Variants in PRH2 observed in about 807,000 individuals in gnomAD.
PRH2 encodes the protein salivary acidic proline-rich phosphoprotein 1/2.
PRH2 carries 19 observed loss-of-function variants against 22.6 expected under a neutral mutation model. That is an observed-to-expected ratio of 0.84 (90% CI 0.59 to 1.23). The LOEUF is 1.23. Ranked by LOEUF, PRH2 falls within the 50% of genes most tolerant of loss-of-function variation. The pLI, the probability that PRH2 is intolerant of heterozygous loss-of-function variation, is 0.00. For synonymous variants in PRH2, 45 were observed against 72.0 expected, an observed-to-expected ratio of 0.63 and a Z score of 1.90; for missense variants, 109 against 203.0, an observed-to-expected ratio of 0.54 and a Z score of 2.81.
chr12:10,930,358 T>C (rs1950186844), intron 2 of PRH2, 54 bp downstream of exon 2: 4 of 1,575,072 alleles, frequency 2.5e-6, no homozygotes, highest in Middle Eastern at 1.7e-4. Context: ...CCTGAAAAAT[T>C]GATCAGTTCT....
rs546061892 is a variant in PRH2, at chr12:10,933,599, G to GA, written c.*1401dup. ...GTTTTGGATAATGAAGTCAGCAGAG[G>GA]AAAAAAAAATATGACCATCTCAAAA... On this transcript the variant is annotated 3_prime_UTR_variant, in exon 4 of 4. Transcript: ENST00000396400. Among the ~76,000 whole-genome samples the GA allele has an allele frequency of 1.1e-4, 17 of 150,302 alleles. No individual in the cohort carries two copies. The East Asian group carries it at 1.2e-3, about 10-fold the overall frequency.
intron 2 of PRH2, among the ~76,000 whole-genome samples, 171 bp from the exon 3 acceptor site, chr12:10,930,491 C>G (rs1335746291): frequency 6.6e-6 from 1 of 152,096 alleles, no homozygotes; most frequent in African/African-American, 2.4e-5. Context: ...TTTCACCACC[C>G]TAATGTGGAT....
chr12:10,930,575 G>C (rs1950191145), intron 2 of PRH2, 87 bp from the exon 3 acceptor site: 1 of 1,574,532 alleles, frequency 6.4e-7, no homozygotes. Flanking sequence ...GGGAGAGAGG[G>C]GCCGGCCGTG....
rs1400791758 is a variant in PRH2, at chr12:10,933,860, C to A, written c.*1653C>A. The stretch of plus-strand genomic sequence containing the variant: ...ATAATTTTATTTAATATTAGATAAA[C>A]AAGCACATAACAGAGATACATATAT... On this transcript the variant is annotated 3_prime_UTR_variant, in exon 4 of 4. Coordinates refer to ENST00000396400, the MANE Select transcript of PRH2 (RefSeq NM_001110213.1). Among the ~76,000 whole-genome samples, 1 of 151,878 alleles carries A rather than the reference C, an allele frequency of 6.6e-6. No homozygotes were observed. The highest frequency in any genetic ancestry group is 6.6e-5 in the Admixed American group (1 of 15,240).
intron 1 of PRH2, 34 bp downstream of exon 1, chr12:10,929,371 G>A (rs1483380254): frequency 1.2e-6 from 2 of 1,613,496 alleles, no homozygotes; most frequent in Non-Finnish European, 1.7e-6. Context: ...TTGTGACTCT[G>A]ATTGGGGTTT....
At position 10,929,253 on chromosome 12, in the gene PRH2, G is replaced by A; in HGVS notation, c.-21G>A. The stretch of plus-strand genomic sequence containing the variant: ...TTTCTCCCAGCATAAAGTTGGGAGT[G>A]ACACCAGAGCCTTCTGCAAGATGCT... On this transcript the variant is annotated 5_prime_UTR_variant, in exon 1 of 4. Transcript: ENST00000396400. 1 of 1,614,198 alleles carries A rather than the reference G, an allele frequency of 6.2e-7. No individual in the cohort carries two copies. The highest frequency in any genetic ancestry group is 8.5e-7 in the Non-Finnish European group (1 of 1,180,036).
At chr12:10,931,264 G>A (rs1950208807) in intron 3 of PRH2, 184 bp downstream of exon 3, 1 of 1,295,482 alleles carries the variant, frequency 7.7e-7, no homozygotes, top group African/African-American at 1.5e-5. Flanking sequence ...TCTCTTGAAG[G>A]CAATTCCAAT....
At chr12:10,929,777 C>T (rs1272519946) in intron 1 of PRH2, among the ~76,000 whole-genome samples, 1 of 152,120 alleles carries the variant, frequency 6.6e-6, no homozygotes, top group Non-Finnish European at 1.5e-5. Context: ...AAACACTTGC[C>T]TCTGTCTACA....
rs1338405775 is a variant in PRH2, at chr12:10,930,876, A to G, written c.315A>G (p.Gln105=). 1 of 1,612,016 alleles carries G rather than the reference A, an allele frequency of 6.2e-7. No individual in the cohort carries two copies. Among genetic ancestry groups the G allele is most frequent in the Non-Finnish European group, 8.5e-7 (1 of 1,179,096 alleles). Residue 105 remains glutamine, a synonymous_variant, in exon 3 of 4, where the codon CAA becomes CAG. Transcript: ENST00000396400. ...PQQGGHPPPP[Q]GRPQGPPQQG... ...AGGGAGGCCATCCCCCTCCTCCTCA[A>G]GGAAGGCCACAAGGACCACCCCAAC...
rs1471152576 is a variant in PRH2, at chr12:10,930,422, G to T, written c.100+118G>T. On this transcript the variant is annotated intron_variant, in intron 2 of 3. Coordinates refer to ENST00000396400, the MANE Select transcript of PRH2 (RefSeq NM_001110213.1). ...AATTGGCTAATATCAGTGCCCCAGA[G>T]ATATAAACAGTTTTCTCCCAACCTT... The T allele has an allele frequency of 4.1e-6, 6 of 1,477,978 alleles. No homozygotes were observed. In the Admixed American group the frequency reaches 1.2e-4, roughly 29 times the overall value. 91.6% of individuals were successfully genotyped at this position (1,477,978 alleles called of 1,614,324 possible). A position where few individuals can be genotyped will look rare whatever the true frequency, so the allele number is the denominator to read the frequency against.
chr12:10,934,752 T>C lies in PRH2; in HGVS notation c.*2545T>C, dbSNP rs1387413522. On this transcript the variant is annotated 3_prime_UTR_variant, in exon 4 of 4. Coordinates refer to ENST00000396400, the MANE Select transcript of PRH2 (RefSeq NM_001110213.1). ...TCTGCATTCTGATCCAGATACTGTATGTTCTTAACATAAAGTGAAATTTCT... is the reference window on the plus strand; with the variant it reads ...TCTGCATTCTGATCCAGATACTGTACGTTCTTAACATAAAGTGAAATTTCT... Among the ~76,000 whole-genome samples the C allele has an allele frequency of 6.6e-6, 1 of 152,156 alleles. No individual in the cohort carries two copies. Among genetic ancestry groups the C allele is most frequent in the African/African-American group, 2.4e-5 (1 of 41,448 alleles).
rs1950231890 is a variant in PRH2 at position 10,932,727 on chromosome 12, G to T, written c.*520G>T. On this transcript the variant is annotated 3_prime_UTR_variant, in exon 4 of 4. Coordinates refer to ENST00000396400, the MANE Select transcript of PRH2 (RefSeq NM_001110213.1). ...ACCTATTTTCCCCTATTTTATCACTGATCAGTTCTGTCCCTGCCTATGATT... is the reference window on the plus strand; with the variant it reads ...ACCTATTTTCCCCTATTTTATCACTTATCAGTTCTGTCCCTGCCTATGATT... 6.6e-6 allele frequency among the ~76,000 whole-genome samples: 1 copy of T among 152,010 alleles called. No individual in the cohort carries two copies. The highest frequency in any genetic ancestry group is 1.9e-4 in the East Asian group (1 of 5,200).
rs1453943209 is a variant in PRH2 at position 10,934,635 on chromosome 12, A to G, written c.*2428A>G. Among the ~76,000 whole-genome samples, 1 of 152,024 alleles carries G rather than the reference A, an allele frequency of 6.6e-6. No homozygotes were observed. The highest frequency in any genetic ancestry group is 1.5e-5 in the Non-Finnish European group (1 of 67,986). On this transcript the variant is annotated 3_prime_UTR_variant, in exon 4 of 4. Transcript: ENST00000396400. ...TTTCTTCCTTTAAAAAAAAAACTATAGGCTCAATATGAAAGTAGAAAGCAC... is the reference window on the plus strand; with the variant it reads ...TTTCTTCCTTTAAAAAAAAAACTATGGGCTCAATATGAAAGTAGAAAGCAC...
intron 3 of PRH2, among the ~76,000 whole-genome samples, chr12:10,931,442 C>G (rs774525642): frequency 2.4e-4 from 36 of 152,296 alleles, no homozygotes; most frequent in Non-Finnish European, 4.3e-4. Context: ...TCAGTCCTGC[C>G]TCACACTAGC....
intron 1 of PRH2, 55 bp from the exon 2 acceptor site, chr12:10,930,214 A>T: frequency 6.4e-7 from 1 of 1,574,742 alleles, no homozygotes; most frequent in Non-Finnish European, 8.7e-7. Context: ...GAACACTATG[A>T]GCTCTGAATG....
chr12:10,929,514 T>C (rs1950172050), intron 1 of PRH2, among the ~76,000 whole-genome samples, 177 bp downstream of exon 1: 1 of 152,132 alleles, frequency 6.6e-6, no homozygotes, highest in African/African-American at 2.4e-5. Context: ...CCTCATAATT[T>C]ATTGATTGCA....
rs942276011 is a variant in PRH2 at position 10,933,848 on chromosome 12, A to G, written c.*1641A>G. 2.6e-5 allele frequency among the ~76,000 whole-genome samples: 4 copies of G among 152,122 alleles called. No individual in the cohort carries two copies. The highest frequency in any genetic ancestry group is 5.9e-5 in the Non-Finnish European group (4 of 67,956). Reference sequence around the variant, plus strand: ...ATTAGAAAGTGAATAATTTTATTTAATATTAGATAAACAAGCACATAACAG... The same window carrying G: ...ATTAGAAAGTGAATAATTTTATTTAGTATTAGATAAACAAGCACATAACAG... On this transcript the variant is annotated 3_prime_UTR_variant, in exon 4 of 4. Coordinates refer to ENST00000396400, the MANE Select transcript of PRH2 (RefSeq NM_001110213.1).
intron 3 of PRH2, among the ~76,000 whole-genome samples, chr12:10,931,371 C>G (rs1397413667): frequency 2.6e-5 from 4 of 152,174 alleles, no homozygotes; most frequent in East Asian, 3.9e-4. Context: ...TTCCTTTCCT[C>G]AAACTCAAAG....
In PRH2 at chr12:10,933,040, C is replaced by T. The variant is rs74627295; in HGVS notation, c.*833C>T. On this transcript the variant is annotated 3_prime_UTR_variant, in exon 4 of 4. Transcript: ENST00000396400. ...AAATGATTCATAAATTTTGAACTAA[C>T]AGTAATAACTTCTTGAAAATCCAAT... is the stretch of plus-strand genomic sequence containing the variant. Among the ~76,000 whole-genome samples the T allele has an allele frequency of 8.1e-3, 1,228 of 152,054 alleles. 17 individuals carry two copies. Among genetic ancestry groups the T allele is most frequent in the East Asian group, 0.062 (323 of 5,178 alleles).
Sources: gnomAD v4.1 joint callset for allele counts (sites outside exome capture counted in the v4.1 genomes callset) on GRCh38, gnomAD v4.1.1 for gene constraint, MANE v1.5 for transcripts, NCBI Gene and HGNC (gene_info 2026-07-23, HGNC 2026-07-21) for gene names.